SNTB2: variants seen among roughly 807,000 people sequenced by gnomAD.
The protein encoded by SNTB2 is beta-2-syntrophin.
Under a neutral mutation model 46.2 loss-of-function variants are expected in SNTB2, and 34 were observed. The observed-to-expected ratio is 0.74, with a 90% CI of 0.56 to 0.98. SNTB2 has a LOEUF of 0.98. Ranked by LOEUF, SNTB2 falls within the 50% of genes least tolerant of loss-of-function variation. SNTB2 has a pLI of 0.00. For synonymous variants in SNTB2, 290 were observed against 312.6 expected (o/e 0.93, Z 0.76); for missense variants, 603 against 731.4 (o/e 0.82, Z 2.02).
intron 4 of SNTB2, among the ~76,000 whole-genome samples, chr16:69,283,062 G>A (rs1965065318): frequency 6.6e-6 from 1 of 152,140 alleles, no homozygotes; most frequent in Non-Finnish European, 1.5e-5. Flanking sequence ...TTCTACCTCA[G>A]CCTCCCAAGT....
At chr16:69,215,665 T>C (rs1229466007) in intron 1 of SNTB2, among the ~76,000 whole-genome samples, 1 of 152,222 alleles carries the variant, frequency 6.6e-6, no homozygotes, top group Non-Finnish European at 1.5e-5. Context: ...ATGATGTTAG[T>C]GTGACAGGTT....
intron 4 of SNTB2, among the ~76,000 whole-genome samples, chr16:69,274,179 G>T (rs1375991153): frequency 6.6e-6 from 1 of 151,874 alleles, no homozygotes; most frequent in Non-Finnish European, 1.5e-5. Flanking sequence ...CAGCGTGGTG[G>T]CATATGCCCG....
At chr16:69,254,208 G>A (rs955087151) in intron 2 of SNTB2, among the ~76,000 whole-genome samples, 2 of 152,054 alleles carry the variant, frequency 1.3e-5, no homozygotes, top group Non-Finnish European at 2.9e-5. Flanking sequence ...ATGAGGGTGG[G>A]GCAGTCACTG....
chr16:69,297,661 C>G (rs1434887235), intron 5 of SNTB2, among the ~76,000 whole-genome samples: 1 of 151,728 alleles, frequency 6.6e-6, no homozygotes, highest in African/African-American at 2.4e-5. Context: ...CCTATAATCC[C>G]CACACTTTGG....
At position 69,204,752 on chromosome 16, in the gene SNTB2, A is replaced by G. The variant is rs151174477; in HGVS notation, c.580+17006A>G. ...CTGCAGCATTTGCCCCTTCAGTACC[A>G]TCTATCCCAATTGCATAGTCTGTGG... On this transcript the variant is annotated intron_variant, in intron 1 of 6. Coordinates refer to ENST00000336278, the MANE Select transcript of SNTB2 (RefSeq NM_006750.4). Among the ~76,000 whole-genome samples the G allele has an allele frequency of 9.2e-4, 140 of 152,290 alleles. 1 individual carries two copies. The Middle Eastern group carries it at 0.017, about 18-fold the overall frequency.
intron 5 of SNTB2, among the ~76,000 whole-genome samples, chr16:69,292,124 C>A (rs1455046447): frequency 6.7e-6 from 1 of 148,708 alleles, no homozygotes; most frequent in Non-Finnish European, 1.5e-5. Context: ...GTAGTCCCAG[C>A]TACTCAGGAG....
chr16:69,187,210 C>A lies in SNTB2; in HGVS notation c.44C>A (p.Ala15Asp). The A allele has an allele frequency of 7.0e-7, 1 of 1,432,006 alleles. No homozygotes were observed. The highest frequency in any genetic ancestry group is 9.1e-7 in the Non-Finnish European group (1 of 1,093,220). The allele number at this position is 1,432,006 out of a possible 1,614,324, so 88.7% of individuals were successfully genotyped here. Reference protein sequence around the residue: ...AATAAAGAGPAMAVWTRATKA... With the variant: ...AATAAAGAGPDMAVWTRATKA... Reference sequence around the variant, plus strand: ...ACTGCGGCGGCTGGAGCGGGGCCGGCCATGGCGGTGTGGACGCGGGCCACC... The same window carrying A: ...ACTGCGGCGGCTGGAGCGGGGCCGGACATGGCGGTGTGGACGCGGGCCACC... Residue 15 changes from alanine to aspartate, a missense_variant, in exon 1 of 7, where the codon GCC (alanine) becomes GAC (aspartate). Around this residue, in one of 2 missense-constraint regions of SNTB2, gnomAD observed 66 missense variants for 39.0 expected, o/e 1.69. Coordinates refer to ENST00000336278, the MANE Select transcript of SNTB2 (RefSeq NM_006750.4).
At chr16:69,223,745 C>T (rs1483414230) in intron 1 of SNTB2, among the ~76,000 whole-genome samples, 2 of 152,134 alleles carry the variant, frequency 1.3e-5, no homozygotes, top group African/African-American at 2.4e-5. Context: ...TCTCCTGCCT[C>T]AGCCTCCCAA....
Position 69,306,382 on chromosome 16 carries a change from T to C in SNTB2, c.*5458T>C, listed in dbSNP as rs1020935902. ...TGAGCTTCATTTCTTGCCACCTCTA[T>C]TCTTTCTTCCCACGTTGGGTGACTG... On this transcript the variant is annotated 3_prime_UTR_variant, in exon 7 of 7. Transcript: ENST00000336278. 4.6e-5 allele frequency: 7 copies of C among 152,252 alleles called. No homozygotes were observed. Among genetic ancestry groups the C allele is most frequent in the African/African-American group, 1.7e-4 (7 of 41,470 alleles). The allele number at this position is 152,252 out of a possible 1,614,324, so 9.4% of individuals were successfully genotyped here.
chr16:69,247,646 AC>A (rs1412841947), intron 2 of SNTB2, among the ~76,000 whole-genome samples: 1 of 152,180 alleles, frequency 6.6e-6, no homozygotes, highest in Non-Finnish European at 1.5e-5. Flanking sequence ...CAACTAGGTC[AC>A]CTGCTCAAAG....
intron 1 of SNTB2, among the ~76,000 whole-genome samples, chr16:69,207,857 C>T (rs1409167803): frequency 6.6e-6 from 1 of 152,076 alleles, no homozygotes; most frequent in Non-Finnish European, 1.5e-5. Context: ...CCTGTAATCC[C>T]AGCACTTTGG....
Position 69,293,391 on chromosome 16 carries a change from G to A in SNTB2, c.1346-6199G>A, listed in dbSNP as rs574899522. ...AAGAATAGAGAAATAGAAGCTGATA[G>A]ACAGCCAACAATTAGTACTACAAGT... On this transcript the variant is annotated intron_variant, in intron 5 of 6. Transcript: ENST00000336278. Among the ~76,000 whole-genome samples the A allele has an allele frequency of 1.6e-3, 244 of 152,278 alleles. 1 individual carries two copies. Among genetic ancestry groups the A allele is most frequent in the African/African-American group, 5.6e-3 (231 of 41,558 alleles).
chr16:69,232,502 C>CTTTTTTTTTTTTTTTTTTTTTT (rs1032986410), intron 1 of SNTB2, among the ~76,000 whole-genome samples: 3 of 63,860 alleles, frequency 4.7e-5, no homozygotes, highest in African/African-American at 7.3e-5. Flanking sequence ...ACGGTGCGGC[C>CTTTTTTTTTTTTTTTTTTTTTT]TTTTTTTTTT....
At chr16:69,215,951 C>T (rs1964342850) in intron 1 of SNTB2, among the ~76,000 whole-genome samples, 2 of 152,080 alleles carry the variant, frequency 1.3e-5, no homozygotes, top group Admixed American at 6.6e-5. Context: ...CACCGGTATG[C>T]ACCACTGTGC....
At chr16:69,266,048 C>G (rs577998485) in intron 3 of SNTB2, among the ~76,000 whole-genome samples, 245 of 152,174 alleles carry the variant, frequency 1.6e-3, no homozygotes, top group Non-Finnish European at 3.0e-3. Flanking sequence ...TTTGACTTCA[C>G]TGAAAGCAAA....
At chr16:69,193,317 A>ATTTT (rs1964072184) in intron 1 of SNTB2, among the ~76,000 whole-genome samples, 3 of 99,644 alleles carry the variant, frequency 3.0e-5, no homozygotes, top group South Asian at 3.0e-4. Flanking sequence ...GATGGTATAG[A>ATTTT]CTTTTTTTTT....
intron 2 of SNTB2, among the ~76,000 whole-genome samples, chr16:69,249,774 T>C (rs190679136): frequency 4.3e-4 from 65 of 152,288 alleles, no homozygotes; most frequent in African/African-American, 1.5e-3. Flanking sequence ...GTCTTAATGC[T>C]GCAAAGTAAC....
rs1004931828 is a variant in SNTB2 at position 69,302,800 on chromosome 16, A to G, written c.*1876A>G. On this transcript the variant is annotated 3_prime_UTR_variant, in exon 7 of 7. Coordinates refer to ENST00000336278, the MANE Select transcript of SNTB2 (RefSeq NM_006750.4). ...TGCTTAAAACTGGAAATTAAAATCT[A>G]GACAAGAATATGTCTTTCAAGAGCT... 3 of 152,248 alleles carry G rather than the reference A, an allele frequency of 2.0e-5. No homozygotes were observed. The highest frequency in any genetic ancestry group is 2.0e-4 in the Admixed American group (3 of 15,288). 9.4% of individuals were successfully genotyped at this position (152,248 alleles called of 1,614,324 possible). A position where few individuals can be genotyped will look rare whatever the true frequency, so the allele number is the denominator to read the frequency against.
Position 69,187,567 on chromosome 16 carries a change from G to T in SNTB2, c.401G>T (p.Arg134Leu). 6.6e-7 allele frequency: 1 copy of T among 1,511,446 alleles called. No homozygotes were observed. The highest frequency in any genetic ancestry group is 8.8e-7 in the Non-Finnish European group (1 of 1,132,270). 93.6% of individuals were successfully genotyped at this position (1,511,446 alleles called of 1,614,324 possible). Residue 134 changes from arginine to leucine, a missense_variant, in exon 1 of 7, where the codon CGC becomes CTC. By Grantham distance (102) the Arg-to-Leu change is moderately radical (BLOSUM62 -2). Coordinates refer to ENST00000336278, the MANE Select transcript of SNTB2 (RefSeq NM_006750.4). Reference sequence around the variant, plus strand: ...CTGGGCATCAGCATCAAGGGCGGCCGCGAGAACCGGATGCCGATCCTCATC... The same window carrying T: ...CTGGGCATCAGCATCAAGGGCGGCCTCGAGAACCGGATGCCGATCCTCATC... Reference protein sequence around the residue: ...GGLGISIKGGRENRMPILISK... With the variant: ...GGLGISIKGGLENRMPILISK...
Sources: gnomAD v4.1 joint callset for allele counts (sites outside exome capture counted in the v4.1 genomes callset) on GRCh38, gnomAD v4.1.1 for gene constraint, gnomAD v4.1.1 regional missense constraint, MANE v1.5 for transcripts, NCBI Gene and HGNC (gene_info 2026-07-23, HGNC 2026-07-21) for gene names.